BACE2: variants seen among roughly 807,000 people sequenced by gnomAD.
BACE2 encodes the protein 56 kDa aspartic-like protease.
A neutral mutation model predicts 46.2 loss-of-function variants in BACE2; 17 were observed. The observed-to-expected ratio is 0.37, with a 90% CI of 0.25 to 0.55. The LOEUF is 0.55. Ranked by LOEUF, BACE2 falls within the 20% of genes least tolerant of loss-of-function variation. The probability of loss-of-function intolerance (pLI) is 0.82; values close to 1 mark genes in which losing one functional copy is unlikely to be tolerated. For missense variants in BACE2, 595 were observed against 698.1 expected, an observed-to-expected ratio of 0.85 and a Z score of 1.66; for synonymous variants, 277 against 295.9, an observed-to-expected ratio of 0.94 and a Z score of 0.66.
At chr21:41,250,695 T>C (rs1987611177) in intron 6 of BACE2, 57 bp from the exon 7 acceptor site, 2 of 1,573,108 alleles carry the variant, frequency 1.3e-6, no homozygotes, top group South Asian at 2.2e-5. Flanking sequence ...CCTGGAGCTG[T>C]TTCCTGTTGA....
intron 2 of BACE2, among the ~76,000 whole-genome samples, chr21:41,232,361 G>A (rs1338267131): frequency 6.6e-6 from 1 of 152,144 alleles, no homozygotes; most frequent in Non-Finnish European, 1.5e-5. Flanking sequence ...TGGGGTGGTT[G>A]GACTTTAGAA....
chr21:41,185,404 A>G (rs1395548310), intron 1 of BACE2, among the ~76,000 whole-genome samples: 3 of 152,212 alleles, frequency 2.0e-5, no homozygotes, highest in Non-Finnish European at 4.4e-5. Context: ...AGATACTGAA[A>G]AAAATATTGG....
chr21:41,239,652 G>A (rs1323275615), intron 3 of BACE2, among the ~76,000 whole-genome samples: 1 of 152,174 alleles, frequency 6.6e-6, no homozygotes, highest in Non-Finnish European at 1.5e-5. Context: ...TGTTGGGATT[G>A]TGGCATGAGC....
rs888999383 is a variant in BACE2 at position 41,276,514 on chromosome 21, C to A, written c.*890C>A. 1 of 152,226 alleles carries A rather than the reference C, an allele frequency of 6.6e-6. No homozygotes were observed. The highest frequency in any genetic ancestry group is 1.5e-5 in the Non-Finnish European group (1 of 68,062). 9.4% of individuals were successfully genotyped at this position (152,226 alleles called of 1,614,324 possible). On this transcript the variant is annotated 3_prime_UTR_variant, in exon 9 of 9. Transcript: ENST00000330333. Reference sequence around the variant, plus strand: ...AACTGTGCATCAACCAGGAAGAGTTCTATCCCCAAGCTGGCCACTATCACA... The same window carrying A: ...AACTGTGCATCAACCAGGAAGAGTTATATCCCCAAGCTGGCCACTATCACA...
Position 41,271,849 on chromosome 21 carries a change from AATTG to A in BACE2, c.1304-3518_1304-3515del, listed in dbSNP as rs1477112150. On this transcript the variant is annotated intron_variant, in intron 8 of 8. Transcript: ENST00000330333. ...AGCACATTGTTATAATTTTTGATTT[AATTG>A]ATTATCTTTGTAAATATTTAAAATT... Among the ~76,000 whole-genome samples the A allele has an allele frequency of 8.5e-5, 13 of 152,244 alleles. No homozygotes were observed. In the South Asian group the frequency reaches 1.9e-3, roughly 22 times the overall value.
chr21:41,187,936 A>G (rs1288159033), intron 1 of BACE2, among the ~76,000 whole-genome samples: 5 of 152,258 alleles, frequency 3.3e-5, no homozygotes, highest in Non-Finnish European at 7.3e-5. Context: ...CAGCTTTTGT[A>G]TATATAAGAA....
intron 4 of BACE2, 32 bp downstream of exon 4, chr21:41,241,979 A>C: frequency 6.2e-7 from 1 of 1,610,738 alleles, no homozygotes; most frequent in Non-Finnish European, 8.5e-7. Flanking sequence ...AGGGGCGAAA[A>C]ATCACAGATG....
At chr21:41,222,304 G>A (rs1049976011) in intron 1 of BACE2, among the ~76,000 whole-genome samples, 1 of 152,242 alleles carries the variant, frequency 6.6e-6, no homozygotes, top group Non-Finnish European at 1.5e-5. Context: ...GGAAAGGGAT[G>A]CACAGGCCGG....
At position 41,260,491 on chromosome 21, in the gene BACE2, G is replaced by A. The variant is rs190821650; in HGVS notation, c.1303+3165G>A. Among the ~76,000 whole-genome samples, 71 of 152,300 alleles carry A rather than the reference G, an allele frequency of 4.7e-4. 1 individual carries two copies. The highest frequency in any genetic ancestry group is 7.2e-4 in the Admixed American group (11 of 15,296). On this transcript the variant is annotated intron_variant, in intron 8 of 8. Coordinates refer to ENST00000330333, the MANE Select transcript of BACE2 (RefSeq NM_012105.5). ...CCAGGAGTTGATGAGGCACTTAGCCGGGTGTCTCTGGCCCACCATTGCTCA... is the reference window on the plus strand; with the variant it reads ...CCAGGAGTTGATGAGGCACTTAGCCAGGTGTCTCTGGCCCACCATTGCTCA...
At chr21:41,246,555 T>G (rs1293580753) in intron 6 of BACE2, among the ~76,000 whole-genome samples, 1 of 152,236 alleles carries the variant, frequency 6.6e-6, no homozygotes, top group Non-Finnish European at 1.5e-5. Flanking sequence ...CACTGGTATC[T>G]TAACTTCTGT....
rs1568897077 is a variant in BACE2, at chr21:41,275,531, C to A, written c.1464C>A (p.Val488=). The change falls in exon 9 of 9, where the codon GTC becomes GTA. Residue 488 remains valine (V), a synonymous_variant. Coordinates refer to ENST00000330333, the MANE Select transcript of BACE2 (RefSeq NM_012105.5). ...VCGAILLVLI[V]LLLLPFRCQR... ...GAGCCATCCTCCTTGTCTTAATCGT[C>A]CTGCTGCTGCTGCCGTTCCGGTGTC... 1 of 1,614,114 alleles carries A rather than the reference C, an allele frequency of 6.2e-7. No homozygotes were observed.
intron 8 of BACE2, among the ~76,000 whole-genome samples, chr21:41,263,655 T>G (rs1987995898): frequency 6.6e-6 from 1 of 152,230 alleles, no homozygotes; most frequent in Non-Finnish European, 1.5e-5. Flanking sequence ...TCAGTTTCAT[T>G]GTCCTCTGGC....
At chr21:41,222,688 G>T (rs1300868048) in intron 1 of BACE2, among the ~76,000 whole-genome samples, 1 of 152,228 alleles carries the variant, frequency 6.6e-6, no homozygotes, top group Admixed American at 6.5e-5. Flanking sequence ...CTGCTGGTTG[G>T]AAGTAGGCCT....
chr21:41,232,569 C>T (rs557739943), intron 2 of BACE2, among the ~76,000 whole-genome samples: 1 of 152,286 alleles, frequency 6.6e-6, no homozygotes, highest in Non-Finnish European at 1.5e-5. Flanking sequence ...TTGTTGCTCT[C>T]ATCAAGGTGA....
rs1294652769 is a variant in BACE2 at position 41,193,158 on chromosome 21, T to G, written c.312+24583T>G. ...CGATCAAGGTCTCTCCAAATAAGAT[T>G]ATGACATAAAGCCGGAGAGTTTACT... On this transcript the variant is annotated intron_variant, in intron 1 of 8. Transcript: ENST00000330333. This position sits in a 1 kb window ranked among gnomAD's most constrained non-coding sequence, Gnocchi z 4.2. Among the ~76,000 whole-genome samples, 2 of 152,148 alleles carry G rather than the reference T, an allele frequency of 1.3e-5. No homozygotes were observed. The highest frequency in any genetic ancestry group is 4.8e-5 in the African/African-American group (2 of 41,430).
intron 1 of BACE2, chr21:41,184,851 T>A (rs1469522882): frequency 6.0e-6 from 1 of 167,052 alleles, no homozygotes; most frequent in Non-Finnish European, 1.5e-5. Flanking sequence ...CATAAAAGCC[T>A]GTACATAAGG....
intron 8 of BACE2, among the ~76,000 whole-genome samples, chr21:41,272,659 G>A (rs1227323930): frequency 6.6e-6 from 1 of 151,698 alleles, no homozygotes; most frequent in Non-Finnish European, 1.5e-5. Flanking sequence ...TGTCTTCCGT[G>A]TCTCTATTTA....
intron 7 of BACE2, among the ~76,000 whole-genome samples, chr21:41,255,008 C>T (rs778774378): frequency 1.9e-4 from 29 of 152,308 alleles, no homozygotes; most frequent in Non-Finnish European, 2.5e-4. Flanking sequence ...GATTTGATTC[C>T]GCTTCGGTTT....
chr21:41,226,274 T>G lies in BACE2; in HGVS notation c.321T>G (p.Ile107Met). The G allele has an allele frequency of 1.2e-6, 2 of 1,613,154 alleles. No homozygotes were observed. The highest frequency in any genetic ancestry group is 8.5e-7 in the Non-Finnish European group (1 of 1,179,670). Residue 107 changes from isoleucine to methionine, a missense_variant, in exon 2 of 9, where the codon ATT becomes ATG. Transcript: ENST00000330333. ...TCCTTAAAACATAAAAGCTACAGAT[T>G]CTCGTTGACACTGGAAGCAGTAACT... ...LIGTPPQKLQ[I>M]LVDTGSSNFA...
Sources: allele counts gnomAD v4.1 joint callset (sites outside exome capture counted in the v4.1 genomes callset), GRCh38; gene constraint gnomAD v4.1.1; non-coding constraint Gnocchi (gnomAD v3.1); transcripts MANE v1.5; gene names NCBI Gene and HGNC (gene_info 2026-07-23, HGNC 2026-07-21).